FAF1: variants seen among roughly 807,000 people sequenced by gnomAD.
FAF1 encodes the protein Fas associated factor 1, also known as FAS-associated factor 1.
FAF1 carries 25 observed loss-of-function variants against 92.5 expected under a neutral mutation model. The observed-to-expected ratio is 0.27, with a 90% CI of 0.20 to 0.38. The LOEUF (loss-of-function observed/expected upper bound fraction) is 0.38. FAF1 is among the 10% of genes least tolerant of loss of function. The pLI is 1.00. For synonymous variants in FAF1, 234 were observed against 273.2 expected (o/e 0.86, Z 1.42); for missense variants, 636 against 793.3 (o/e 0.80, Z 2.38).
At chr1:50,606,150 T>G (rs762438584) in intron 8 of FAF1, among the ~76,000 whole-genome samples, 1 of 152,208 alleles carries the variant, frequency 6.6e-6, no homozygotes, top group Non-Finnish European at 1.5e-5. Context: ...GATTATCATA[T>G]AGGTGTTTTC....
At chr1:50,647,769 G>C (rs149230723) in intron 8 of FAF1, among the ~76,000 whole-genome samples, 1,612 of 152,248 alleles carry the variant, frequency 0.011, 18 homozygotes, top group Non-Finnish European at 0.017. Flanking sequence ...CGGAGACTGA[G>C]ATCCATAGAC....
At chr1:50,655,413 A>G in intron 8 of FAF1, 29 bp downstream of exon 8, 1 of 1,478,074 alleles carries the variant, frequency 6.8e-7, no homozygotes, top group South Asian at 1.1e-5. Flanking sequence ...AAAGGAGGAT[A>G]TAAAACTGAA....
At position 50,761,456 on chromosome 1, in the gene FAF1, C is replaced by A. The variant is rs564592225; in HGVS notation, c.368-16681G>T. On this transcript the variant is annotated intron_variant, in intron 4 of 18. Transcript: ENST00000396153. The stretch of plus-strand genomic sequence containing the variant: ...AATCCTCAATCAAATACTGGCAAAC[C>A]GAATCCAGCAGCACATCAAAAAGCT... Among the ~76,000 whole-genome samples, 24 of 152,142 alleles carry A rather than the reference C, an allele frequency of 1.6e-4. 2 individuals are homozygous for A. In the South Asian group the frequency reaches 5.0e-3, roughly 32 times the overall value.
At chr1:50,839,821 A>C (rs1010133073) in intron 2 of FAF1, among the ~76,000 whole-genome samples, 2 of 152,116 alleles carry the variant, frequency 1.3e-5, no homozygotes, top group African/African-American at 4.8e-5. Context: ...GAATAAAAGA[A>C]AAAGAATTTC....
chr1:50,648,817 T>C (rs1419582329), intron 8 of FAF1, among the ~76,000 whole-genome samples: 1 of 152,126 alleles, frequency 6.6e-6, no homozygotes, highest in East Asian at 1.9e-4. Context: ...TCCCAGCTAC[T>C]CGGGAAGCTG....
intron 15 of FAF1, 143 bp from the exon 16 acceptor site, chr1:50,491,944 TAAGC>T (rs1247556476): frequency 3.3e-6 from 2 of 609,902 alleles, no homozygotes; most frequent in African/African-American, 1.9e-5. Flanking sequence ...AGGACATAAA[TAAGC>T]AAACAAACAA....
intron 1 of FAF1, among the ~76,000 whole-genome samples, chr1:50,937,152 G>A (rs771880851): frequency 6.6e-6 from 1 of 152,192 alleles, no homozygotes; most frequent in Non-Finnish European, 1.5e-5. Flanking sequence ...CACTCAATAT[G>A]TGTCAAAATT....
At chr1:50,637,101 T>C (rs559715068) in intron 8 of FAF1, among the ~76,000 whole-genome samples, 1 of 152,070 alleles carries the variant, frequency 6.6e-6, no homozygotes, top group Admixed American at 6.6e-5. Context: ...TAATATTTTT[T>C]GAAATCAGGG....
At chr1:50,473,688 G>A (rs1328474633) in intron 18 of FAF1, among the ~76,000 whole-genome samples, 1 of 152,120 alleles carries the variant, frequency 6.6e-6, no homozygotes, top group East Asian at 1.9e-4. Flanking sequence ...CAAATAAAGG[G>A]GATGACCTTG....
intron 4 of FAF1, among the ~76,000 whole-genome samples, chr1:50,764,331 T>C (rs921555941): frequency 6.6e-6 from 1 of 152,178 alleles, no homozygotes; most frequent in Non-Finnish European, 1.5e-5. Context: ...GTCTTACGTA[T>C]AAGGTCGAGG....
At chr1:50,671,971 A>AT (rs1300540594) in intron 7 of FAF1, among the ~76,000 whole-genome samples, 6 of 146,520 alleles carry the variant, frequency 4.1e-5, no homozygotes, top group South Asian at 2.1e-4. Flanking sequence ...ATTTTTACAT[A>AT]TTTTTTTGTA....
At chr1:50,865,240 G>T (rs1375536178) in intron 1 of FAF1, among the ~76,000 whole-genome samples, 2 of 152,094 alleles carry the variant, frequency 1.3e-5, no homozygotes, top group South Asian at 2.1e-4. Context: ...ACTGTTGGTG[G>T]GACTGTAAAC....
At position 50,705,999 on chromosome 1, in the gene FAF1, G is replaced by A. The variant is rs1468353540; in HGVS notation, c.552-108C>T. 3 of 607,884 alleles carry A rather than the reference G, an allele frequency of 4.9e-6. No individual in the cohort carries two copies. The African/African-American group carries it at 5.5e-5, about 11-fold the overall frequency. 37.7% of individuals were successfully genotyped at this position (607,884 alleles called of 1,614,324 possible). A position where few individuals can be genotyped will look rare whatever the true frequency, so the allele number is the denominator to read the frequency against. ...AGTACCCTAACCTCCACACAGGCATGTCTGGGCCCAATGTTATCATATTTT... is the reference window on the plus strand; with the variant it reads ...AGTACCCTAACCTCCACACAGGCATATCTGGGCCCAATGTTATCATATTTT... On this transcript the variant is annotated intron_variant, in intron 6 of 18. Coordinates refer to ENST00000396153, the MANE Select transcript of FAF1 (RefSeq NM_007051.3).
chr1:50,686,240 C>T (rs1238076266), intron 7 of FAF1, among the ~76,000 whole-genome samples: 3 of 151,962 alleles, frequency 2.0e-5, no homozygotes, highest in Non-Finnish European at 2.9e-5. Flanking sequence ...GAAATATGTC[C>T]CCTTTAAAAA....
At chr1:50,743,863 G>T (rs1014045505) in intron 5 of FAF1, among the ~76,000 whole-genome samples, 4 of 151,362 alleles carry the variant, frequency 2.6e-5, no homozygotes, top group African/African-American at 9.7e-5. Context: ...ACAAGGTCAG[G>T]AGTTCGAGAC....
At chr1:50,942,809 T>C (rs1429812424) in intron 1 of FAF1, among the ~76,000 whole-genome samples, 1 of 150,234 alleles carries the variant, frequency 6.7e-6, no homozygotes, top group Non-Finnish European at 1.5e-5. Context: ...CAATTTCCCA[T>C]AGGGTGACAC....
intron 7 of FAF1, among the ~76,000 whole-genome samples, chr1:50,662,749 G>C (rs1230973794): frequency 7.8e-6 from 1 of 128,894 alleles, no homozygotes; most frequent in East Asian, 2.3e-4. Context: ...CCAGGCTGGA[G>C]TGCAGCGGCG....
intron 1 of FAF1, among the ~76,000 whole-genome samples, chr1:50,948,999 C>A (rs1030495679): frequency 3.3e-5 from 5 of 152,136 alleles, no homozygotes; most frequent in African/African-American, 1.2e-4. Flanking sequence ...TTGGAAGGGA[C>A]AAACATCCAA....
At chr1:50,806,509 C>T (rs1421749393) in intron 2 of FAF1, among the ~76,000 whole-genome samples, 1 of 152,182 alleles carries the variant, frequency 6.6e-6, no homozygotes, top group Non-Finnish European at 1.5e-5. Context: ...TCCACCACTA[C>T]CCCACTCCAT....
Sources: gnomAD v4.1 joint callset for allele counts (sites outside exome capture counted in the v4.1 genomes callset) on GRCh38, gnomAD v4.1.1 for gene constraint, MANE v1.5 for transcripts, NCBI Gene and HGNC (gene_info 2026-07-23, HGNC 2026-07-21) for gene names.